The following RALYL variants were observed in gnomAD, a reference collection of about 807,000 sequenced individuals.
RALYL encodes the protein RALY RNA binding protein like.
A neutral mutation model predicts 35.1 loss-of-function variants in RALYL; 29 were observed. The observed-to-expected ratio is 0.83, with a 90% CI of 0.61 to 1.13. RALYL has a LOEUF of 1.13. Ranked by LOEUF, RALYL falls within the 50% of genes most tolerant of loss-of-function variation. The probability of loss-of-function intolerance (pLI) is 0.00; values close to 1 mark genes in which losing one functional copy is unlikely to be tolerated. For missense variants in RALYL, 359 were observed against 360.4 expected (o/e 1.00, Z 0.03); for synonymous variants, 120 against 127.6 (o/e 0.94, Z 0.40).
At chr8:84,281,978 T>G (rs1399422321) in intron 1 of RALYL, among the ~76,000 whole-genome samples, 1 of 152,114 alleles carries the variant, frequency 6.6e-6, no homozygotes, top group Non-Finnish European at 1.5e-5. Context: ...ACTCTATGAT[T>G]TAGCCATTAA....
chr8:84,840,860 C>A (rs1833120784), intron 4 of RALYL, among the ~76,000 whole-genome samples: 1 of 152,110 alleles, frequency 6.6e-6, no homozygotes, highest in Admixed American at 6.5e-5. Context: ...TCATATCCAG[C>A]CAAACTAAGC....
At chr8:84,470,159 C>T (rs2052515285) in intron 1 of RALYL, among the ~76,000 whole-genome samples, 1 of 152,146 alleles carries the variant, frequency 6.6e-6, no homozygotes. Flanking sequence ...CATCTTGGCT[C>T]CTCCCTCCAA....
intron 7 of RALYL, among the ~76,000 whole-genome samples, chr8:84,875,199 T>C (rs1840912701): frequency 1.3e-5 from 2 of 152,142 alleles, no homozygotes; most frequent in Admixed American, 1.3e-4. Context: ...ATATTTCCCT[T>C]TGAGGAACTC....
At chr8:84,298,109 A>G (rs1840104491) in intron 1 of RALYL, among the ~76,000 whole-genome samples, 1 of 151,880 alleles carries the variant, frequency 6.6e-6, no homozygotes, top group Non-Finnish European at 1.5e-5. Flanking sequence ...AATCTTTGCC[A>G]GAGCCTATGT....
intron 1 of RALYL, among the ~76,000 whole-genome samples, chr8:84,488,137 G>A (rs2054852410): frequency 2.0e-5 from 3 of 151,916 alleles, no homozygotes; most frequent in Non-Finnish European, 1.5e-5. Flanking sequence ...TTATAGAGAC[G>A]AATATTTTCA....
chr8:84,648,515 G>A (rs1827980365), intron 2 of RALYL, among the ~76,000 whole-genome samples: 1 of 152,016 alleles, frequency 6.6e-6, no homozygotes, highest in Admixed American at 6.6e-5. Context: ...CAATGATTCT[G>A]ATTCCTTTTC....
chr8:84,367,200 A>G (rs12549008), intron 1 of RALYL, among the ~76,000 whole-genome samples: 88,192 of 146,250 alleles, frequency 0.6, 27,400 homozygotes, highest in African/African-American at 0.74. Flanking sequence ...CAGTGGCACA[A>G]TCTCCGCTCA....
At chr8:84,360,855 A>G (rs1342190322) in intron 1 of RALYL, among the ~76,000 whole-genome samples, 1 of 151,998 alleles carries the variant, frequency 6.6e-6, no homozygotes, top group African/African-American at 2.4e-5. Context: ...AAATTGGATA[A>G]TTCTCACTGT....
intron 8 of RALYL, among the ~76,000 whole-genome samples, chr8:84,918,211 G>A (rs1441042250): frequency 6.6e-6 from 1 of 152,016 alleles, no homozygotes; most frequent in African/African-American, 2.4e-5. Flanking sequence ...TACTGAAGAA[G>A]TCATAAGACT....
intron 8 of RALYL, among the ~76,000 whole-genome samples, chr8:84,902,211 C>A (rs1052690891): frequency 4.6e-5 from 7 of 152,050 alleles, no homozygotes; most frequent in African/African-American, 1.7e-4. Context: ...TCCGAGGAGG[C>A]CCCGGAAGTA....
chr8:84,627,067 A>T (rs1391854029), intron 2 of RALYL, among the ~76,000 whole-genome samples: 1 of 152,124 alleles, frequency 6.6e-6, no homozygotes, highest in Non-Finnish European at 1.5e-5. Flanking sequence ...GCTCTTTAAC[A>T]ATGTATCTTC....
intron 1 of RALYL, among the ~76,000 whole-genome samples, chr8:84,319,198 G>A (rs1338930639): frequency 6.6e-6 from 1 of 152,112 alleles, no homozygotes; most frequent in African/African-American, 2.4e-5. Context: ...AATAGTCATA[G>A]AATAAATAGC....
At chr8:84,870,782 A>ATGG (rs1840058204) in intron 6 of RALYL, among the ~76,000 whole-genome samples, 1 of 152,166 alleles carries the variant, frequency 6.6e-6, no homozygotes, top group Non-Finnish European at 1.5e-5. Context: ...CACATGTAAT[A>ATGG]GCACAAAACC....
intron 1 of RALYL, among the ~76,000 whole-genome samples, chr8:84,454,321 T>TTTGA (rs776361979): frequency 0.043 from 6,531 of 151,976 alleles, 166 homozygotes; most frequent in Middle Eastern, 0.078. Context: ...TTTGAGGAGG[T>TTTGA]AGGGCAAACC....
intron 8 of RALYL, among the ~76,000 whole-genome samples, chr8:84,911,212 C>G (rs1847456521): frequency 6.6e-6 from 1 of 152,034 alleles, no homozygotes; most frequent in African/African-American, 2.4e-5. Context: ...TCTCTCCCCA[C>G]AAGAAAGTTC....
chr8:84,191,463 G>A (rs1286308604), intron 1 of RALYL, among the ~76,000 whole-genome samples: 1 of 152,150 alleles, frequency 6.6e-6, no homozygotes, highest in East Asian at 1.9e-4. Flanking sequence ...AGTGCACAAA[G>A]CATGGCTTCT....
chr8:84,817,181 G>C (rs1051841129), intron 4 of RALYL, among the ~76,000 whole-genome samples: 1 of 152,050 alleles, frequency 6.6e-6, no homozygotes, highest in Admixed American at 6.6e-5. Context: ...TGTAGTTCAC[G>C]AACCCATTTT....
intron 2 of RALYL, among the ~76,000 whole-genome samples, chr8:84,727,693 G>A (rs1190696153): frequency 1.1e-4 from 15 of 141,166 alleles, no homozygotes; most frequent in African/African-American, 1.6e-4. Context: ...TCATTGTTCA[G>A]TTCCCACCTA....
At chr8:84,598,363 C>T (rs1815095031) in intron 2 of RALYL, among the ~76,000 whole-genome samples, 1 of 152,210 alleles carries the variant, frequency 6.6e-6, no homozygotes, top group Non-Finnish European at 1.5e-5. Flanking sequence ...CTCTGTTTCT[C>T]ATTTCTGTAG....
Sources: allele counts gnomAD v4.1 joint callset (sites outside exome capture counted in the v4.1 genomes callset), GRCh38; gene constraint gnomAD v4.1.1; transcripts MANE v1.5; gene names NCBI Gene and HGNC (gene_info 2026-07-23, HGNC 2026-07-21).